PKD1: variants seen among roughly 807,000 people sequenced by gnomAD.
The protein encoded by PKD1 is polycystin-1.
In PKD1, 81 loss-of-function variants were observed where a neutral mutation model predicts 361.7. That is an observed-to-expected ratio of 0.22 (90% confidence interval 0.19 to 0.27). The LOEUF is 0.27. PKD1 is among the 10% of genes least tolerant of loss of function. The pLI, the probability that PKD1 is intolerant of heterozygous loss-of-function variation, is 1.00. For missense variants in PKD1, 6,399 were observed against 6,118.3 expected (o/e 1.05, Z -1.53); for synonymous variants, 3,615 against 2,818.3 (o/e 1.28, Z -8.95).
chr16:2,107,707 T>C, intron 16 of PKD1, 176 bp downstream of exon 16: 2 of 671,746 alleles, frequency 3.0e-6, no homozygotes, highest in Non-Finnish European at 5.3e-6. Flanking sequence ...CGTGGAACTG[T>C]GGCAGGTTTG....
intron 14 of PKD1, 136 bp downstream of exon 14, chr16:2,112,204 G>A (rs1596565396): frequency 6.2e-6 from 5 of 811,834 alleles, no homozygotes; most frequent in Non-Finnish European, 1.0e-5. Flanking sequence ...CCCCAGTAGG[G>A]GCCTAAGCCA....
chr16:2,103,002 C>G (rs545158166), intron 23 of PKD1, 32 bp from the exon 24 acceptor site: 1 of 1,598,478 alleles, frequency 6.3e-7, no homozygotes, highest in Non-Finnish European at 8.5e-7. Context: ...ACACGCCTGC[C>G]GGGAAGCTCA....
In PKD1 at chr16:2,090,912, G is replaced by C; in HGVS notation, c.11975C>G (p.Ala3992Gly). 6.3e-7 allele frequency: 1 copy of C among 1,592,540 alleles called. No homozygotes were observed. The highest frequency in any genetic ancestry group is 8.5e-7 in the Non-Finnish European group (1 of 1,175,816). Residue 3992 changes from alanine (A) to glycine (G), a missense_variant, in exon 43 of 46, where the codon GCC becomes GGC. By Grantham distance (60) the Ala-to-Gly change is moderately conservative. Transcript: ENST00000262304. ...QLSSAARGLA[A>G]SLLFLLLVKA... ...GACCAAAAGCAGGAAGAGCAGCGAGGCCGCCAGGCCACGGGCTGCGGAGCT... is the reference window on the plus strand; with the variant it reads ...GACCAAAAGCAGGAAGAGCAGCGAGCCCGCCAGGCCACGGGCTGCGGAGCT...
rs191148572 is a variant in PKD1 at position 2,129,695 on chromosome 16, G to A, written c.215+5780C>T. On this transcript the variant is annotated intron_variant, in intron 1 of 45. Transcript: ENST00000262304. ...CTCCTGAATAGCTGGGACCACAGAT[G>A]CATACCACCACGCCCGGCCAATGTT... 4.3e-3 allele frequency among the ~76,000 whole-genome samples: 654 copies of A among 151,820 alleles called. 4 individuals are homozygous for A. Among genetic ancestry groups the A allele is most frequent in the Non-Finnish European group, 3.4e-3 (230 of 67,924 alleles).
At position 2,114,417 on chromosome 16, in the gene PKD1, C is replaced by T. The variant is rs377303753; in HGVS notation, c.2606G>A (p.Arg869His). 17 of 1,602,952 alleles carry T rather than the reference C, an allele frequency of 1.1e-5. No individual in the cohort carries two copies. The highest frequency in any genetic ancestry group is 5.3e-5 in the African/African-American group (4 of 74,836). ...ARWPGGSVSA[R>H]FENVCPALVA... ...CAGGGCAGGGCAGACATTCTCAAAG[C>T]GGGCGCTGACACTGCCCCCAGGCCA... is the stretch of plus-strand genomic sequence containing the variant. Residue 869 changes from arginine (R) to histidine (H), a missense_variant, in exon 11 of 46, where the codon CGC (arginine) becomes CAC (histidine). Arg to His is a conservative substitution (Grantham distance 29). Transcript: ENST00000262304.
chr16:2,114,242 C>T lies in PKD1; in HGVS notation c.2781G>A (p.Thr927=), dbSNP rs774610060. Residue 927 remains threonine (T), a synonymous_variant, in exon 11 of 46, where the codon ACG becomes ACA. Transcript: ENST00000262304. The stretch of plus-strand genomic sequence containing the variant: ...GGAGGCCACAGATGGGCTCCTCCGC[C>T]GTCACCCGCAGGCTGAGGTTGGCCC... ...ASRANLSLRV[T]AEEPICGLRA... The T allele has an allele frequency of 8.1e-6, 13 of 1,610,022 alleles. No individual in the cohort carries two copies. The highest frequency in any genetic ancestry group is 4.5e-5 in the East Asian group (2 of 44,878).
At chr16:2,107,777 AG>A (rs35761507) in intron 16 of PKD1, 105 bp downstream of exon 16, 1 of 1,041,990 alleles carries the variant, frequency 9.6e-7, no homozygotes, top group African/African-American at 1.6e-5. Context: ...AGAAACAGAG[AG>A]GGGAGAGCGT....
In PKD1 at chr16:2,100,881, C is replaced by T. The variant is rs567390583; in HGVS notation, c.9398-315G>A. The T allele has an allele frequency of 8.6e-6, 4 of 465,556 alleles. No individual in the cohort carries two copies. The highest frequency in any genetic ancestry group is 1.6e-5 in the Non-Finnish European group (4 of 251,338). The allele number at this position is 465,556 out of a possible 1,614,324, so 28.8% of individuals were successfully genotyped here. On this transcript the variant is annotated intron_variant, in intron 26 of 45. Transcript: ENST00000262304. This position sits in a 1 kb window ranked among gnomAD's most constrained non-coding sequence, Gnocchi z 4.4. ...ACCTGTCCACGCCTCAGTCATGCCA[C>T]AACCGGTGACCCGCACCACACACCC...
chr16:2,122,391 G>A (rs2092734827), intron 1 of PKD1, among the ~76,000 whole-genome samples: 1 of 152,180 alleles, frequency 6.6e-6, no homozygotes, highest in Non-Finnish European at 1.5e-5. Context: ...CACAGGGAAC[G>A]GCCCCTCCGG....
In PKD1 at chr16:2,088,858, AGCACACTCGCGCGTGCGC is replaced by A. The variant is rs1567137637; in HGVS notation, c.*851_*868del. The A allele has an allele frequency of 2.5e-5, 14 of 560,956 alleles. No homozygotes were observed. The highest frequency in any genetic ancestry group is 4.1e-5 in the Non-Finnish European group (13 of 316,490). The allele number at this position is 560,956 out of a possible 1,614,324, so 34.7% of individuals were successfully genotyped here. A position where few individuals can be genotyped will look rare whatever the true frequency, so the allele number is the denominator to read the frequency against. ...GGCCTTGAGGCTGCCTGGGCCATAC[AGCACACTCGCGCGTGCGC>A]GCGCGCACACACACACACACACAGT... On this transcript the variant is annotated 3_prime_UTR_variant, in exon 46 of 46. Transcript: ENST00000262304.
intron 1 of PKD1, among the ~76,000 whole-genome samples, chr16:2,126,581 A>G (rs1485037356): frequency 6.6e-6 from 1 of 152,266 alleles, no homozygotes; most frequent in Non-Finnish European, 1.5e-5. Context: ...CTCACTCTGC[A>G]GGGAGACTGT....
chr16:2,097,130 CGA>C lies in PKD1; in HGVS notation c.10499+16_10499+17del. ...CCTCCTCTGGCAATCCCCCCTCCCC[CGA>C]GAGCCGGACACTCACAGGCTGCTGA... is the stretch of plus-strand genomic sequence containing the variant. On this transcript the variant is annotated intron_variant, in intron 34 of 45. Coordinates refer to ENST00000262304, the MANE Select transcript of PKD1 (RefSeq NM_001009944.3). 1 of 1,542,218 alleles carries C rather than the reference CGA, an allele frequency of 6.5e-7. No homozygotes were observed. Among genetic ancestry groups the C allele is most frequent in the Non-Finnish European group, 8.8e-7 (1 of 1,141,972 alleles).
In PKD1 at chr16:2,114,617, C is replaced by T. The variant is rs2092598629; in HGVS notation, c.2406G>A (p.Val802=). 1.3e-6 allele frequency: 2 copies of T among 1,577,858 alleles called. No homozygotes were observed. Among genetic ancestry groups the T allele is most frequent in the South Asian group, 2.3e-5 (2 of 88,278 alleles). The stretch of plus-strand genomic sequence containing the variant: ...GGTTGTGCCTGGACACGCCATTGCC[C>T]ACCTCTGCCCGGACCTCATAGCGCC... ...LPGRYEVRAE[V]GNGVSRHNLS... Residue 802 remains valine (V), a synonymous_variant, in exon 11 of 46, where the codon GTG becomes GTA. Coordinates refer to ENST00000262304, the MANE Select transcript of PKD1 (RefSeq NM_001009944.3).
intron 42 of PKD1, 114 bp downstream of exon 42, chr16:2,091,309 A>AGGGGGCGGGG (rs2091544182): frequency 2.2e-5 from 6 of 277,174 alleles, no homozygotes; most frequent in African/African-American, 2.0e-4. Context: ...AGGGGGCGGG[A>AGGGGGCGGGG]CGCTGCGAGG....
intron 1 of PKD1, chr16:2,123,405 G>A (rs532940815): frequency 6.6e-6 from 3 of 455,438 alleles, no homozygotes; most frequent in Non-Finnish European, 1.3e-5. Flanking sequence ...GCCCTGGGCA[G>A]GACTCAGGTG....
chr16:2,091,720 G>C (rs974900344), intron 41 of PKD1, 61 bp downstream of exon 41: 2 of 1,594,580 alleles, frequency 1.3e-6, no homozygotes, highest in Non-Finnish European at 1.7e-6. Flanking sequence ...GGAGGAGTGA[G>C]GGTGGGCTCC....
intron 1 of PKD1, among the ~76,000 whole-genome samples, chr16:2,126,954 T>C (rs1280831837): frequency 1.3e-5 from 2 of 152,100 alleles, no homozygotes; most frequent in African/African-American, 4.8e-5. Flanking sequence ...CACCAGATGG[T>C]GGCCAGCGCA....
Position 2,091,796 on chromosome 16 carries a change from T to G in PKD1, c.11522A>C (p.Asn3841Thr), listed in dbSNP as rs146650596. 6.2e-7 allele frequency: 1 copy of G among 1,610,968 alleles called. No homozygotes were observed. The change falls in exon 41 of 46, where the codon AAC (asparagine) becomes ACC (threonine). Residue 3841 changes from asparagine (N) to threonine (T), a missense_variant. Physicochemically the swap from Asn to Thr is moderately conservative, Grantham distance 65 (BLOSUM62 0). Coordinates refer to ENST00000262304, the MANE Select transcript of PKD1 (RefSeq NM_001009944.3). Reference protein sequence around the residue: ...RDRLRFLQLHNWLDNRSRAVF... With the variant: ...RDRLRFLQLHTWLDNRSRAVF... ...GAGCTCCCACCTGTTGTCCAGCCAG[T>G]TGTGCAGCTGCAGGAAGCGCAGCCG...
Position 2,118,389 on chromosome 16 carries a change from G to C in PKD1, c.603C>G (p.His201Gln), listed in dbSNP as rs13334842. 514 of 1,244,790 alleles carry C rather than the reference G, an allele frequency of 4.1e-4. 1 individual carries two copies. Among genetic ancestry groups the C allele is most frequent in the Admixed American group, 8.1e-4 (41 of 50,766 alleles). 77.1% of individuals were successfully genotyped at this position (1,244,790 alleles called of 1,614,324 possible). ...AGGCCTCTGGCTGAAGCAGGCCTTC[G>C]TGGGCAGCTGAAAAGGACACTGCTG... The part of the protein sequence containing the change: ...TVAAVSFSAA[H>Q]EGLLQPEACS... The change falls in exon 5 of 46, where the codon CAC becomes CAG. Residue 201 changes from histidine to glutamine, a missense_variant. By Grantham distance (24) the His-to-Gln change is conservative (BLOSUM62 0). Coordinates refer to ENST00000262304, the MANE Select transcript of PKD1 (RefSeq NM_001009944.3). This position sits in a 1 kb window ranked among gnomAD's most constrained non-coding sequence, Gnocchi z 6.0.
Sources: allele counts gnomAD v4.1 joint callset (sites outside exome capture counted in the v4.1 genomes callset), GRCh38; gene constraint gnomAD v4.1.1; non-coding constraint Gnocchi (gnomAD v3.1); transcripts MANE v1.5; gene names NCBI Gene and HGNC (gene_info 2026-07-23, HGNC 2026-07-21).